GPC5: variants seen among roughly 807,000 people sequenced by gnomAD.
GPC5 encodes glypican 5, also known as glypican-5.
GPC5 carries 47 observed loss-of-function variants against 53.9 expected under a neutral mutation model. That is an observed-to-expected ratio of 0.87 (90% CI 0.69 to 1.11). The LOEUF (loss-of-function observed/expected upper bound fraction) is 1.11, where lower values mean the gene tolerates loss of function less well. GPC5 is among the 50% of genes most tolerant of loss of function. The probability of loss-of-function intolerance (pLI) is 0.00; values close to 1 mark genes in which losing one functional copy is unlikely to be tolerated. For synonymous variants in GPC5, 286 were observed against 263.3 expected, an observed-to-expected ratio of 1.09 and a Z score of -0.84; for missense variants, 748 against 713.1, an observed-to-expected ratio of 1.05 and a Z score of -0.56.
intron 5 of GPC5, among the ~76,000 whole-genome samples, chr13:91,836,376 TG>T (rs764828374): frequency 7.9e-5 from 12 of 152,136 alleles, no homozygotes; most frequent in Non-Finnish European, 1.3e-4. Flanking sequence ...ATTTTCTTGC[TG>T]TATTTCAGGG....
At chr13:91,588,481 T>C (rs2032677840) in intron 2 of GPC5, among the ~76,000 whole-genome samples, 1 of 152,034 alleles carries the variant, frequency 6.6e-6, no homozygotes, top group African/African-American at 2.4e-5. Flanking sequence ...TATGAGAGAG[T>C]TGGAGGATTA....
intron 3 of GPC5, among the ~76,000 whole-genome samples, chr13:91,702,989 A>C (rs2036025191): frequency 6.6e-6 from 1 of 152,054 alleles, no homozygotes; most frequent in Non-Finnish European, 1.5e-5. Flanking sequence ...TAGTGATATT[A>C]AGCATTTAAA....
chr13:91,780,164 G>A (rs1043862586), intron 5 of GPC5, among the ~76,000 whole-genome samples: 5 of 152,140 alleles, frequency 3.3e-5, no homozygotes, highest in African/African-American at 9.7e-5. Context: ...GTAATCTTAC[G>A]GGACCACTGT....
chr13:91,621,164 C>CA (rs1474409872), intron 2 of GPC5, among the ~76,000 whole-genome samples: 1 of 151,932 alleles, frequency 6.6e-6, no homozygotes, highest in African/African-American at 2.4e-5. Flanking sequence ...AGAATGAAAA[C>CA]AAAAAAACAT....
At chr13:92,303,776 A>G (rs11840647) in intron 7 of GPC5, among the ~76,000 whole-genome samples, 3,086 of 152,332 alleles carry the variant, frequency 0.02, 115 homozygotes, top group African/African-American at 0.071. Context: ...AGTGTTTGAT[A>G]TATTAATCCA....
intron 7 of GPC5, among the ~76,000 whole-genome samples, chr13:92,856,617 T>C (rs1204677726): frequency 1.3e-5 from 2 of 152,072 alleles, no homozygotes; most frequent in African/African-American, 4.8e-5. Context: ...CTAAACCTGA[T>C]AAGCAACTTC....
intron 5 of GPC5, among the ~76,000 whole-genome samples, chr13:91,881,701 G>A (rs1392893660): frequency 6.6e-6 from 1 of 152,132 alleles, no homozygotes; most frequent in Admixed American, 6.6e-5. Context: ...CCTATTGCAG[G>A]TAGAATCTCA....
Position 91,820,228 on chromosome 13 carries a change from ATATT to A in GPC5, c.1280+63812_1280+63815del, listed in dbSNP as rs1010156140. ...GGTGTCTGTGATGCACTAATTGTCA[ATATT>A]TATATAATGGAATTTATTAATCATT... On this transcript the variant is annotated intron_variant, in intron 5 of 7. Coordinates refer to ENST00000377067, the MANE Select transcript of GPC5 (RefSeq NM_004466.6). Among the ~76,000 whole-genome samples the A allele has an allele frequency of 5.5e-4, 83 of 152,206 alleles. 1 individual carries two copies. Among genetic ancestry groups the A allele is most frequent in the African/African-American group, 2.0e-3 (81 of 41,532 alleles).
chr13:91,913,611 G>A (rs566899098), intron 6 of GPC5, among the ~76,000 whole-genome samples: 1 of 152,252 alleles, frequency 6.6e-6, no homozygotes, highest in South Asian at 2.1e-4. Flanking sequence ...GAATATCTCA[G>A]AAACTTCAGT....
At chr13:91,776,488 G>A (rs2138709160) in intron 5 of GPC5, among the ~76,000 whole-genome samples, 1 of 152,232 alleles carries the variant, frequency 6.6e-6, no homozygotes, top group Non-Finnish European at 1.5e-5. Context: ...TAAGTACTTT[G>A]TATTATCTCC....
At chr13:92,763,465 T>G (rs979961540) in intron 7 of GPC5, among the ~76,000 whole-genome samples, 1 of 152,114 alleles carries the variant, frequency 6.6e-6, no homozygotes, top group Non-Finnish European at 1.5e-5. Context: ...TGACAAGGGC[T>G]TTGGCAGTTC....
chr13:92,170,657 T>C (rs1182181028), intron 7 of GPC5, among the ~76,000 whole-genome samples: 2 of 152,070 alleles, frequency 1.3e-5, no homozygotes, highest in Non-Finnish European at 2.9e-5. Flanking sequence ...ACTCGTGACC[T>C]CAGGTGATCC....
At chr13:92,136,062 G>A (rs1031399756) in intron 6 of GPC5, among the ~76,000 whole-genome samples, 2 of 152,146 alleles carry the variant, frequency 1.3e-5, no homozygotes, top group Non-Finnish European at 2.9e-5. Flanking sequence ...GTGGAGTGGC[G>A]TGTAGATGGA....
At chr13:91,737,789 C>T (rs566626441) in intron 4 of GPC5, among the ~76,000 whole-genome samples, 8 of 151,338 alleles carry the variant, frequency 5.3e-5, no homozygotes, top group Admixed American at 6.6e-5. Flanking sequence ...CAGTATTCAA[C>T]CTATTCTTTT....
At chr13:91,926,395 T>C (rs1231416509) in intron 6 of GPC5, among the ~76,000 whole-genome samples, 1 of 151,520 alleles carries the variant, frequency 6.6e-6, no homozygotes, top group Admixed American at 6.6e-5. Flanking sequence ...ATGCAAAGCT[T>C]TGGAGTATAT....
At chr13:91,537,190 T>C (rs891171675) in intron 2 of GPC5, among the ~76,000 whole-genome samples, 1 of 151,910 alleles carries the variant, frequency 6.6e-6, no homozygotes, top group African/African-American at 2.4e-5. Flanking sequence ...ACGTAATAAA[T>C]GATTTTAAAG....
intron 6 of GPC5, among the ~76,000 whole-genome samples, chr13:91,929,749 C>A (rs1211087784): frequency 6.6e-6 from 1 of 151,920 alleles, no homozygotes; most frequent in East Asian, 1.9e-4. Context: ...TCATGTATAT[C>A]TATTTTCAAG....
At chr13:91,426,154 C>A (rs1879029385) in intron 1 of GPC5, among the ~76,000 whole-genome samples, 1 of 152,062 alleles carries the variant, frequency 6.6e-6, no homozygotes. Flanking sequence ...GAAATTCAAG[C>A]CAGCTGCAGA....
chr13:91,470,623 A>T (rs1882560192), intron 2 of GPC5, among the ~76,000 whole-genome samples: 1 of 152,202 alleles, frequency 6.6e-6, no homozygotes, highest in Non-Finnish European at 1.5e-5. Flanking sequence ...GTAAGAGAGT[A>T]GTTCTAGCTT....
Sources: gnomAD v4.1 joint callset for allele counts (sites outside exome capture counted in the v4.1 genomes callset) on GRCh38, gnomAD v4.1.1 for gene constraint, MANE v1.5 for transcripts, NCBI Gene and HGNC (gene_info 2026-07-23, HGNC 2026-07-21) for gene names.